FRMPD4: variants seen among roughly 807,000 people sequenced by gnomAD.
The protein encoded by FRMPD4 is FERM and PDZ domain-containing protein 4.
FRMPD4 carries 22 observed loss-of-function variants against 94.1 expected under a neutral mutation model. The ratio of observed to expected loss-of-function variants is 0.23; its 90% confidence interval spans 0.17 to 0.33. The LOEUF (loss-of-function observed/expected upper bound fraction) is 0.33. Among genes scored for constraint, FRMPD4 ranks in the 10% least tolerant of loss-of-function variants. The pLI is 1.00. For missense variants in FRMPD4, 1,111 were observed against 1,339.9 expected (o/e 0.83, Z 2.67); for synonymous variants, 631 against 548.6 (o/e 1.15, Z -2.10).
At chrX:11,965,485 G>A (rs1428763850) in intron 3 of FRMPD4, among the ~76,000 whole-genome samples, 1 of 111,806 alleles carries the variant, frequency 8.9e-6, no homozygotes, top group Non-Finnish European at 1.9e-5. Context: ...TTATATCAGA[G>A]TCTAAAAACA....
intron 3 of FRMPD4, among the ~76,000 whole-genome samples, chrX:12,010,422 A>T (rs1322726848): frequency 8.9e-6 from 1 of 112,135 alleles, no homozygotes; most frequent in Non-Finnish European, 1.9e-5. Flanking sequence ...TTAAAAAAAT[A>T]AATAATATGT....
At chrX:12,583,413 A>G in intron 2 of FRMPD4, 2 of 1,172,267 alleles carry the variant, frequency 1.7e-6, no homozygotes, top group Non-Finnish European at 2.3e-6. Context: ...GGGCACACTC[A>G]CCGAACATGG....
intron 1 of FRMPD4, among the ~76,000 whole-genome samples, chrX:12,351,961 C>A (rs1203985513): frequency 8.9e-6 from 1 of 112,247 alleles, no homozygotes; most frequent in Non-Finnish European, 1.9e-5. Flanking sequence ...ACGTGAACAT[C>A]CTACTACATG....
In FRMPD4 at chrX:12,210,679, C is replaced by T. The variant is rs976070715; in HGVS notation, c.41+71667C>T. 2.7e-5 allele frequency among the ~76,000 whole-genome samples: 3 copies of T among 110,037 alleles called. No individual in the cohort carries two copies. In the South Asian group the frequency reaches 1.2e-3, roughly 45 times the overall value. ...AGTGAGTCTGATGTTCCAGAGACTC[C>T]ACAGACAGTCATCATGTGTTAATAC... On this transcript the variant is annotated intron_variant, in intron 1 of 16. Transcript: ENST00000675598.
chrX:12,033,292 T>C (rs973557233), intron 3 of FRMPD4, among the ~76,000 whole-genome samples: 3 of 110,611 alleles, frequency 2.7e-5, no homozygotes, highest in Non-Finnish European at 5.7e-5. Flanking sequence ...AATAGTAGAG[T>C]GATCAAGGAA....
At chrX:12,637,577 G>A (rs942238530) in intron 4 of FRMPD4, among the ~76,000 whole-genome samples, 1 of 111,085 alleles carries the variant, frequency 9.0e-6, no homozygotes, top group African/African-American at 3.3e-5. Context: ...CTACTTGGGA[G>A]GCTGAGGCAG....
intron 1 of FRMPD4, among the ~76,000 whole-genome samples, chrX:12,421,586 C>T (rs778741776): frequency 3.7e-5 from 4 of 108,536 alleles, no homozygotes; most frequent in Non-Finnish European, 5.8e-5. Context: ...AGGAAGACCC[C>T]GTCTCTACAC....
chrX:12,481,881 G>A (rs1298671033), intron 1 of FRMPD4, among the ~76,000 whole-genome samples: 5 of 92,859 alleles, frequency 5.4e-5, no homozygotes, highest in African/African-American at 2.0e-4. Context: ...AGGCGGAGCT[G>A]GCAGTGAGCC....
At chrX:12,203,331 A>G (rs139011681) in intron 1 of FRMPD4, among the ~76,000 whole-genome samples, 2,445 of 112,181 alleles carry the variant, frequency 0.022, 69 homozygotes, top group African/African-American at 0.076. Flanking sequence ...AGTGCAGCAA[A>G]GGCAAGAAAT....
intron 2 of FRMPD4, among the ~76,000 whole-genome samples, chrX:11,870,594 T>C (rs1019704805): frequency 4.5e-5 from 5 of 111,417 alleles, no homozygotes; most frequent in African/African-American, 1.6e-4. Flanking sequence ...GGGGCCCTTT[T>C]GGGTCTTCAT....
intron 1 of FRMPD4, among the ~76,000 whole-genome samples, chrX:12,493,738 G>A (rs1466051562): frequency 8.9e-6 from 1 of 111,771 alleles, no homozygotes; most frequent in Non-Finnish European, 1.9e-5. Flanking sequence ...TAATGCAGGC[G>A]CCTGTTGCGT....
intron 1 of FRMPD4, among the ~76,000 whole-genome samples, chrX:12,486,218 T>C (rs187277258): frequency 3.6e-5 from 4 of 111,577 alleles, no homozygotes; most frequent in African/African-American, 1.3e-4. Flanking sequence ...ACTCCTTACC[T>C]GACACTGACC....
chrX:12,238,891 G>A (rs2057100252), intron 1 of FRMPD4, among the ~76,000 whole-genome samples: 3 of 111,915 alleles, frequency 2.7e-5, no homozygotes, highest in African/African-American at 9.7e-5. Flanking sequence ...GAATGTTGAA[G>A]GGCTTAATTA....
chrX:12,461,052 C>G (rs937259), intron 1 of FRMPD4, among the ~76,000 whole-genome samples: 12,875 of 111,112 alleles, frequency 0.12, 578 homozygotes, highest in Admixed American at 0.18. Context: ...TCTTTTCTTT[C>G]AAAATTCTTC....
At position 12,212,643 on chromosome X, in the gene FRMPD4, A is replaced by G. The variant is rs774597664; in HGVS notation, c.41+73631A>G. On this transcript the variant is annotated intron_variant, in intron 1 of 16. Transcript: ENST00000675598. ...GCAGCCAAATCTGTATAGCTAATCT[A>G]CTTTCTTAGGGGACAGATTTCAAAC... is the stretch of plus-strand genomic sequence containing the variant. Among the ~76,000 whole-genome samples the G allele has an allele frequency of 4.5e-5, 5 of 111,814 alleles. No homozygotes were observed. In the South Asian group the frequency reaches 1.9e-3, roughly 42 times the overall value.
chrX:11,894,021 T>C (rs2053889376), intron 3 of FRMPD4, among the ~76,000 whole-genome samples: 1 of 111,601 alleles, frequency 9.0e-6, no homozygotes, highest in Non-Finnish European at 1.9e-5. Context: ...CTAATCAGCT[T>C]AAAGACCTTT....
chrX:11,905,672 T>C (rs184952692), intron 3 of FRMPD4, among the ~76,000 whole-genome samples: 92 of 111,246 alleles, frequency 8.3e-4, no homozygotes, highest in African/African-American at 2.8e-3. Context: ...GTGATATATA[T>C]TGGGGGTATT....
intron 1 of FRMPD4, among the ~76,000 whole-genome samples, chrX:12,392,256 G>A: frequency 9.4e-6 from 1 of 106,671 alleles, no homozygotes; most frequent in Non-Finnish European, 1.9e-5. Context: ...GGCCAGGTTG[G>A]TCTCGAATTC....
intron 3 of FRMPD4, among the ~76,000 whole-genome samples, chrX:12,015,295 G>C (rs907122711): frequency 9.0e-6 from 1 of 111,169 alleles, no homozygotes; most frequent in Non-Finnish European, 1.9e-5. Flanking sequence ...CATCTCCCCA[G>C]TCTGAAGGTA....
Sources: gnomAD v4.1 joint callset for allele counts (sites outside exome capture counted in the v4.1 genomes callset) on GRCh38, gnomAD v4.1.1 for gene constraint, MANE v1.5 for transcripts, NCBI Gene and HGNC (gene_info 2026-07-23, HGNC 2026-07-21) for gene names.